Variants in NBAS observed in about 807,000 individuals in gnomAD.
NBAS encodes the protein NAG/BC035112 fusion.
A neutral mutation model predicts 302.5 loss-of-function variants in NBAS; 219 were observed. The ratio of observed to expected loss-of-function variants is 0.72; its 90% CI spans 0.65 to 0.81. The LOEUF is 0.81. NBAS is among the 30% of genes least tolerant of loss of function. NBAS has a pLI of 0.00. For synonymous variants in NBAS, 1,118 were observed against 1,021.6 expected (o/e 1.09, Z -1.80); for missense variants, 2,932 against 2,841.6 (o/e 1.03, Z -0.72).
chr2:15,504,586 A>G (rs1661751763), intron 10 of NBAS, among the ~76,000 whole-genome samples: 1 of 152,224 alleles, frequency 6.6e-6, no homozygotes, highest in African/African-American at 2.4e-5. Context: ...TCTATTAACA[A>G]TTGATTCTAT....
chr2:14,986,400 T>C, the NBAS span, among the ~76,000 whole-genome samples: 1 of 152,080 alleles, frequency 6.6e-6, no homozygotes, highest in Non-Finnish European at 1.5e-5. Flanking sequence ...AAACAATTAA[T>C]CTAATACACT....
intron 23 of NBAS, among the ~76,000 whole-genome samples, chr2:15,421,904 T>C (rs1677232742): frequency 6.6e-6 from 1 of 152,038 alleles, no homozygotes; most frequent in African/African-American, 2.4e-5. Flanking sequence ...TGCCCCACCC[T>C]CCAACCACAC....
At chr2:15,177,729 A>G (rs1206679947) in intron 51 of NBAS, among the ~76,000 whole-genome samples, 2 of 152,178 alleles carry the variant, frequency 1.3e-5, no homozygotes. Context: ...AACTCATTAT[A>G]ATTCTGTTTC....
chr2:14,962,094 T>C, the NBAS span, among the ~76,000 whole-genome samples: 19 of 152,296 alleles, frequency 1.2e-4, no homozygotes, highest in African/African-American at 4.6e-4. Flanking sequence ...ATTTTCTATA[T>C]CGTCCCAAAA....
chr2:15,248,498 CT>C (rs1668208718), intron 44 of NBAS, among the ~76,000 whole-genome samples: 1 of 152,016 alleles, frequency 6.6e-6, no homozygotes, highest in Admixed American at 6.5e-5. Context: ...ACAAAAAACC[CT>C]TCAAAAAATC....
chr2:15,446,582 T>A (rs1678755446), intron 21 of NBAS, among the ~76,000 whole-genome samples: 1 of 152,034 alleles, frequency 6.6e-6, no homozygotes. Context: ...AGATATAAAT[T>A]GTATCTACAC....
downstream of NBAS, among the ~76,000 whole-genome samples, chr2:15,166,105 T>C (rs554929362): frequency 2.6e-5 from 4 of 152,270 alleles, no homozygotes; most frequent in African/African-American, 9.6e-5. Context: ...ACCTCTGTGG[T>C]GGGGGCAGGT....
At chr2:14,854,929 C>G in the NBAS span, among the ~76,000 whole-genome samples, 15 of 152,190 alleles carry the variant, frequency 9.9e-5, no homozygotes, top group South Asian at 2.1e-4. Context: ...CATACTGAGA[C>G]ACCAGCTGGG....
At chr2:14,936,241 G>A in the NBAS span, among the ~76,000 whole-genome samples, 7 of 152,114 alleles carry the variant, frequency 4.6e-5, no homozygotes, top group African/African-American at 1.2e-4. Context: ...CAAACCATCC[G>A]TACTTTCCCT....
At chr2:15,125,855 C>A in the NBAS span, among the ~76,000 whole-genome samples, 3 of 152,106 alleles carry the variant, frequency 2.0e-5, no homozygotes, top group African/African-American at 7.2e-5. Flanking sequence ...TCTTTGGACT[C>A]GGAACTTGGA....
intron 34 of NBAS, among the ~76,000 whole-genome samples, chr2:15,352,423 G>A (rs972961599): frequency 1.3e-5 from 2 of 152,172 alleles, no homozygotes; most frequent in African/African-American, 4.8e-5. Context: ...GCGAGTTTTA[G>A]AGCAAGAGTG....
Position 15,299,081 on chromosome 2 carries a change from G to A in NBAS, c.4798-6315C>T, listed in dbSNP as rs996787516. Reference sequence around the variant, plus strand: ...CAGCATCTGACTTCAGTGACATGACGCATGGGTATGAAAGCTTTTAGCCTC... The same window carrying A: ...CAGCATCTGACTTCAGTGACATGACACATGGGTATGAAAGCTTTTAGCCTC... On this transcript the variant is annotated intron_variant, in intron 40 of 51. Transcript: ENST00000281513. 5.9e-5 allele frequency among the ~76,000 whole-genome samples: 9 copies of A among 152,096 alleles called. No individual in the cohort carries two copies. The East Asian group carries it at 7.7e-4, about 13-fold the overall frequency.
the NBAS span, among the ~76,000 whole-genome samples, chr2:14,814,824 C>G: frequency 6.6e-6 from 1 of 152,170 alleles, no homozygotes; most frequent in Non-Finnish European, 1.5e-5. Flanking sequence ...TGTCCCCCCC[C>G]AAACTGCATG....
intron 47 of NBAS, among the ~76,000 whole-genome samples, chr2:15,230,303 C>A (rs575996548): frequency 2.5e-4 from 36 of 146,698 alleles, no homozygotes; most frequent in Non-Finnish European, 4.2e-4. Flanking sequence ...GAAACCCAAA[C>A]AAAGGGTGTC....
intron 24 of NBAS, among the ~76,000 whole-genome samples, chr2:15,416,368 C>T (rs180900593): frequency 3.9e-5 from 6 of 152,250 alleles, no homozygotes; most frequent in East Asian, 3.9e-4. Context: ...ATTACACAAT[C>T]GTTTCTCTTA....
At chr2:15,014,668 C>CA in the NBAS span, among the ~76,000 whole-genome samples, 2 of 151,562 alleles carry the variant, frequency 1.3e-5, no homozygotes, top group East Asian at 1.9e-4. Flanking sequence ...ATGCCTATAT[C>CA]AAAAAAACTA....
At chr2:15,427,603 G>A in intron 22 of NBAS, 108 bp downstream of exon 22, 1 of 894,138 alleles carries the variant, frequency 1.1e-6, no homozygotes, top group Non-Finnish European at 1.8e-6. Flanking sequence ...TTCTAAATTA[G>A]GGAGTGTCAT....
At position 15,283,531 on chromosome 2, in the gene NBAS, C is replaced by T. The variant is rs184680892; in HGVS notation, c.5138+3542G>A. Among the ~76,000 whole-genome samples, 821 of 152,300 alleles carry T rather than the reference C, an allele frequency of 5.4e-3. 4 individuals carry two copies. Among genetic ancestry groups the T allele is most frequent in the African/African-American group, 0.017 (706 of 41,562 alleles). On this transcript the variant is annotated intron_variant, in intron 42 of 51. Coordinates refer to ENST00000281513, the MANE Select transcript of NBAS (RefSeq NM_015909.4). ...TTCCTGCCTCCCTGTGAAGAAGGTG[C>T]ATTTCTTCCCCTTCGTCTTTCGCCA...
chr2:14,805,319 G>A, the NBAS span, among the ~76,000 whole-genome samples: 1 of 152,268 alleles, frequency 6.6e-6, no homozygotes, highest in East Asian at 1.9e-4. Context: ...TGGGAAAGCA[G>A]CATATTGAAG....
Sources: allele counts gnomAD v4.1 joint callset (sites outside exome capture counted in the v4.1 genomes callset), GRCh38; gene constraint gnomAD v4.1.1; transcripts MANE v1.5; gene names NCBI Gene and HGNC (gene_info 2026-07-23, HGNC 2026-07-21).